GPATCH8: variants seen among roughly 807,000 people sequenced by gnomAD.
GPATCH8 encodes G-patch domain containing 8.
A neutral mutation model predicts 118.3 loss-of-function variants in GPATCH8; 18 were observed. The ratio of observed to expected loss-of-function variants is 0.15; its 90% CI spans 0.11 to 0.23. The LOEUF is 0.23. GPATCH8 is among the 10% of genes least tolerant of loss of function. GPATCH8 has a pLI of 1.00. For synonymous variants in GPATCH8, 659 were observed against 684.7 expected (o/e 0.96, Z 0.59); for missense variants, 1,631 against 1,873.8 (o/e 0.87, Z 2.39).
At chr17:44,425,535 T>C (rs1020435548) in intron 5 of GPATCH8, among the ~76,000 whole-genome samples, 1 of 152,200 alleles carries the variant, frequency 6.6e-6, no homozygotes, top group Non-Finnish European at 1.5e-5. Flanking sequence ...GACAGTTTCA[T>C]GTTGTTTGGC....
intron 1 of GPATCH8, among the ~76,000 whole-genome samples, chr17:44,498,139 G>C (rs2144501658): frequency 6.6e-6 from 1 of 152,212 alleles, no homozygotes; most frequent in Admixed American, 6.5e-5. Context: ...ATAAAGACAT[G>C]AGAAACTGTG....
chr17:44,398,607 G>C lies in GPATCH8; in HGVS notation c.3470C>G (p.Pro1157Arg), dbSNP rs1259440136. ...GCCAGACTCTTCACACTTCTTATTGGGCTTTCGGGTAGCTGGGAGCTTCCC... is the reference window on the plus strand; with the variant it reads ...GCCAGACTCTTCACACTTCTTATTGCGCTTTCGGGTAGCTGGGAGCTTCCC... The part of the protein sequence containing the change: ...LIGKLPATRK[P>R]NKKCEESGLE... The change falls in exon 8 of 8, where the codon CCC (proline) becomes CGC (arginine). Residue 1157 changes from proline to arginine, a missense_variant. Pro to Arg is a moderately radical substitution (Grantham distance 103). Coordinates refer to ENST00000591680, the MANE Select transcript of GPATCH8 (RefSeq NM_001002909.4). 9.7e-6 allele frequency: 15 copies of C among 1,548,388 alleles called. No individual in the cohort carries two copies. Among genetic ancestry groups the C allele is most frequent in the Non-Finnish European group, 1.2e-5 (14 of 1,151,316 alleles).
chr17:44,426,413 G>A (rs1461516613), intron 5 of GPATCH8, among the ~76,000 whole-genome samples: 1 of 152,044 alleles, frequency 6.6e-6, no homozygotes, highest in Non-Finnish European at 1.5e-5. Context: ...GACCAGCCTG[G>A]GTAACACAGT....
rs767340798 is a variant in GPATCH8 at position 44,399,828 on chromosome 17, G to A, written c.2249C>T (p.Ala750Val). The A allele has an allele frequency of 2.9e-5, 46 of 1,613,568 alleles. No homozygotes were observed. Among genetic ancestry groups the A allele is most frequent in the Non-Finnish European group, 3.8e-5 (45 of 1,179,892 alleles). Residue 750 changes from alanine (A) to valine (V), a missense_variant, in exon 8 of 8, where the codon GCT becomes GTT. By Grantham distance (64) the Ala-to-Val change is moderately conservative (BLOSUM62 0). Transcript: ENST00000591680. ...GGATCTCCGCTGGGAGTCATCTTGA[G>A]CTCTCCGCCTTCTTCTTGGTGGTGC... ...SPAPPRRRRRAQDDSQRRSLP... is the reference protein window; with the variant it reads ...SPAPPRRRRRVQDDSQRRSLP...
At chr17:44,473,050 G>C (rs946806000) in intron 2 of GPATCH8, among the ~76,000 whole-genome samples, 2 of 151,752 alleles carry the variant, frequency 1.3e-5, no homozygotes, top group Non-Finnish European at 2.9e-5. Flanking sequence ...GCAAATACAA[G>C]ATACTGTCTA....
intron 2 of GPATCH8, chr17:44,473,582 G>A (rs1022227704): frequency 2.6e-5 from 4 of 152,280 alleles, no homozygotes; most frequent in South Asian, 2.1e-4. Context: ...CCATGCCTAA[G>A]TCTAGCATCA....
At chr17:44,421,255 C>A (rs557960131) in intron 6 of GPATCH8, among the ~76,000 whole-genome samples, 3 of 151,666 alleles carry the variant, frequency 2.0e-5, no homozygotes, top group African/African-American at 7.3e-5. Flanking sequence ...GCAGGAGAAT[C>A]GCTTGAACCC....
chr17:44,457,986 G>A (rs1165097111), intron 3 of GPATCH8, among the ~76,000 whole-genome samples: 2 of 151,844 alleles, frequency 1.3e-5, no homozygotes, highest in Non-Finnish European at 2.9e-5. Context: ...TCAGGAGGCT[G>A]AGGCAGGAGA....
At chr17:44,503,177 GC>G (rs1970224020) in intron 1 of GPATCH8, 148 bp downstream of exon 1, 2 of 728,248 alleles carry the variant, frequency 2.7e-6, no homozygotes, top group African/African-American at 1.7e-5. Context: ...AAGCCGGGAG[GC>G]CTCTTGAGAA....
Position 44,406,012 on chromosome 17 carries a change from C to T in GPATCH8, c.532G>A (p.Val178Ile). Residue 178 changes from valine (V) to isoleucine (I), a missense_variant, in exon 7 of 8, where the codon GTC becomes ATC. Physicochemically the swap from Val to Ile is conservative, Grantham distance 29. Transcript: ENST00000591680. ...TCATCCTTGCGGGATCTTGAAGAGA[C>T]ATTTCGAGCAAACTCTCTCTGCTTC... ...DLKQREFARN[V>I]SSRSRKDEKK... The T allele has an allele frequency of 6.2e-7, 1 of 1,605,706 alleles. No individual in the cohort carries two copies. The highest frequency in any genetic ancestry group is 8.5e-7 in the Non-Finnish European group (1 of 1,172,390).
At chr17:44,456,731 C>G (rs2051347877) in intron 3 of GPATCH8, among the ~76,000 whole-genome samples, 1 of 152,158 alleles carries the variant, frequency 6.6e-6, no homozygotes, top group African/African-American at 2.4e-5. Flanking sequence ...TATTTCCTAA[C>G]TGAAACAAGA....
intron 3 of GPATCH8, among the ~76,000 whole-genome samples, chr17:44,441,070 C>T (rs879595160): frequency 1.3e-5 from 2 of 152,076 alleles, no homozygotes; most frequent in African/African-American, 2.4e-5. Context: ...AGGATGGTCT[C>T]GATCTCTTGA....
intron 2 of GPATCH8, chr17:44,474,428 A>T (rs1043576825): frequency 3.1e-5 from 8 of 256,410 alleles, no homozygotes; most frequent in East Asian, 2.1e-4. Flanking sequence ...TTAAAAAAAA[A>T]TTTCCATACA....
At chr17:44,502,983 C>T (rs1970207913) in intron 1 of GPATCH8, among the ~76,000 whole-genome samples, 1 of 152,240 alleles carries the variant, frequency 6.6e-6, no homozygotes, top group Non-Finnish European at 1.5e-5. Context: ...CCCAACCACC[C>T]CTCTTGTCCC....
chr17:44,416,168 A>G (rs2049675476), intron 6 of GPATCH8, among the ~76,000 whole-genome samples: 1 of 151,430 alleles, frequency 6.6e-6, no homozygotes, highest in African/African-American at 2.4e-5. Flanking sequence ...CGCCCAGCTA[A>G]TTTTTTTTTG....
chr17:44,477,922 G>A (rs578012296), intron 1 of GPATCH8, among the ~76,000 whole-genome samples: 2 of 151,830 alleles, frequency 1.3e-5, no homozygotes, highest in South Asian at 2.1e-4. Flanking sequence ...GGATTCTCCC[G>A]CCTCAGCCTC....
intron 5 of GPATCH8, among the ~76,000 whole-genome samples, chr17:44,426,801 G>A (rs1407279895): frequency 6.6e-6 from 1 of 151,426 alleles, no homozygotes; most frequent in Non-Finnish European, 1.5e-5. Flanking sequence ...CAATCAAGAA[G>A]GGGAAGATCA....
chr17:44,426,521 T>G (rs1050358122), intron 5 of GPATCH8, among the ~76,000 whole-genome samples: 1 of 150,904 alleles, frequency 6.6e-6, no homozygotes, highest in Non-Finnish European at 1.5e-5. Context: ...GGAGGACCAC[T>G]TGAGCCTGGG....
chr17:44,401,371 C>T lies in GPATCH8; in HGVS notation c.706G>A (p.Ala236Thr), dbSNP rs1567937058. 1.2e-6 allele frequency: 2 copies of T among 1,612,300 alleles called. No homozygotes were observed. Among genetic ancestry groups the T allele is most frequent in the East Asian group, 4.5e-5 (2 of 44,874 alleles). Reference sequence around the variant, plus strand: ...GTGGCACCTGTGCCACTATTTGTAGCTGATTCATCTTTATCATCTTCTCCA... The same window carrying T: ...GTGGCACCTGTGCCACTATTTGTAGTTGATTCATCTTTATCATCTTCTCCA... The part of the protein sequence containing the change: ...EGGEDDKDES[A>T]TNSGTGATAS... The change falls in exon 8 of 8, where the codon GCT becomes ACT. Residue 236 changes from alanine to threonine, a missense_variant. Physicochemically the swap from Ala to Thr is moderately conservative, Grantham distance 58. This residue lies in a region of GPATCH8 where 405 missense variants were observed against 462.7 expected (regional missense o/e 0.88). Coordinates refer to ENST00000591680, the MANE Select transcript of GPATCH8 (RefSeq NM_001002909.4).
Sources: allele counts gnomAD v4.1 joint callset (sites outside exome capture counted in the v4.1 genomes callset), GRCh38; gene constraint gnomAD v4.1.1; regional missense constraint gnomAD v4.1.1; transcripts MANE v1.5; gene names NCBI Gene and HGNC (gene_info 2026-07-23, HGNC 2026-07-21).